MED12L: variants seen among roughly 807,000 people sequenced by gnomAD.
MED12L encodes mediator complex subunit 12L, also known as mediator of RNA polymerase II transcription subunit 12-like protein.
Under a neutral mutation model 281.3 loss-of-function variants are expected in MED12L, and 60 were observed. That is an observed-to-expected ratio of 0.21 (90% CI 0.17 to 0.26). MED12L has a LOEUF of 0.26. Ranked by LOEUF, MED12L falls within the 10% of genes least tolerant of loss-of-function variation. MED12L has a pLI of 1.00. For synonymous variants in MED12L, 974 were observed against 987.2 expected (o/e 0.99, Z 0.25); for missense variants, 2,146 against 2,680.9 (o/e 0.80, Z 4.41).
At position 151,138,980 on chromosome 3, in the gene MED12L, T is replaced by TAC. The variant is rs1560085310; in HGVS notation, c.556+10996_556+10997insAC. On this transcript the variant is annotated intron_variant, in intron 5 of 44. Coordinates refer to ENST00000687756, the MANE Select transcript of MED12L (RefSeq NM_001393769.1). ...TTCTGCATGGGTGATTTGTCTCTTATCTACCTACCTACCTACCTACCTGCC... is the reference window on the plus strand; with the variant it reads ...TTCTGCATGGGTGATTTGTCTCTTATACCTACCTACCTACCTACCTACCTGCC... Among the ~76,000 whole-genome samples, 1,015 of 142,994 alleles carry TAC rather than the reference T, an allele frequency of 7.1e-3. 55 individuals carry two copies. In the East Asian group the frequency reaches 0.15, roughly 21 times the overall value. 93.8% of individuals were successfully genotyped at this position (142,994 alleles called of 152,430 possible).
chr3:151,282,449 A>G (rs1340140040), intron 16 of MED12L, among the ~76,000 whole-genome samples: 1 of 152,056 alleles, frequency 6.6e-6, no homozygotes, highest in Non-Finnish European at 1.5e-5. Context: ...GGCTGCCGAA[A>G]GGATTCCACT....
intron 16 of MED12L, chr3:151,198,355 TTA>T: frequency 8.8e-7 from 1 of 1,139,334 alleles, no homozygotes; most frequent in East Asian, 2.5e-5. Context: ...TTTTTTTTTT[TTA>T]TCTTTCAAAG....
At chr3:151,337,866 C>A in intron 16 of MED12L, 3 of 1,613,150 alleles carry the variant, frequency 1.9e-6, no homozygotes, top group South Asian at 1.1e-5. Context: ...TTCTTTTTTC[C>A]TATTGTCCTG....
intron 9 of MED12L, among the ~76,000 whole-genome samples, chr3:151,164,367 T>C (rs1720411449): frequency 6.6e-6 from 1 of 152,176 alleles, no homozygotes; most frequent in Admixed American, 6.5e-5. Context: ...TATGTTCTTA[T>C]TGGTACTGGG....
Position 151,213,389 on chromosome 3 carries a change from A to G in MED12L, c.2250+19723A>G, listed in dbSNP as rs762688566. ...TTCTGAGCTTTTAATGGAATGTGCA[A>G]TTTCTTACATAAGATTTCCCTAAAC... On this transcript the variant is annotated intron_variant, in intron 16 of 44. Coordinates refer to ENST00000687756, the MANE Select transcript of MED12L (RefSeq NM_001393769.1). 16 of 1,613,922 alleles carry G rather than the reference A, an allele frequency of 9.9e-6. No homozygotes were observed. The highest frequency in any genetic ancestry group is 3.3e-5 in the South Asian group (3 of 91,070).
At chr3:151,229,659 A>G (rs1428926262) in intron 16 of MED12L, among the ~76,000 whole-genome samples, 1 of 151,510 alleles carries the variant, frequency 6.6e-6, no homozygotes, top group Admixed American at 6.6e-5. Flanking sequence ...TTGTATTTTT[A>G]GTAGAGATGG....
intron 16 of MED12L, among the ~76,000 whole-genome samples, chr3:151,287,134 A>G (rs9814936): frequency 0.11 from 16,888 of 152,240 alleles, 1,239 homozygotes; most frequent in Middle Eastern, 0.17. Flanking sequence ...TTAGAAAATA[A>G]TCAGTCAATG....
At chr3:151,294,178 A>G in intron 16 of MED12L, 1 of 1,563,138 alleles carries the variant, frequency 6.4e-7, no homozygotes, top group Non-Finnish European at 8.8e-7. Context: ...CCTACACATC[A>G]GTGTAATCAT....
In MED12L at chr3:151,210,101, C is replaced by T. The variant is rs980962360; in HGVS notation, c.2250+16435C>T. ...CTATGGTAGCCAGATGAAAGAAGTGCTTCTAGATCTTATATCTTCATGGCA... is the reference window on the plus strand; with the variant it reads ...CTATGGTAGCCAGATGAAAGAAGTGTTTCTAGATCTTATATCTTCATGGCA... On this transcript the variant is annotated intron_variant, in intron 16 of 44. Coordinates refer to ENST00000687756, the MANE Select transcript of MED12L (RefSeq NM_001393769.1). Among the ~76,000 whole-genome samples, 31 of 152,212 alleles carry T rather than the reference C, an allele frequency of 2.0e-4. 1 individual carries two copies. Among genetic ancestry groups the T allele is most frequent in the African/African-American group, 6.3e-4 (26 of 41,528 alleles).
intron 9 of MED12L, 79 bp from the exon 10 acceptor site, chr3:151,165,340 CA>C (rs1414692028): frequency 9.2e-7 from 1 of 1,085,490 alleles, no homozygotes; most frequent in Non-Finnish European, 1.4e-6. Flanking sequence ...ATACTTTACT[CA>C]CGTGGAAAAA....
chr3:151,157,911 T>C (rs1218079162), intron 6 of MED12L, among the ~76,000 whole-genome samples: 1 of 152,188 alleles, frequency 6.6e-6, no homozygotes, highest in East Asian at 1.9e-4. Flanking sequence ...TTTCTTTCAT[T>C]CTGTGAATCA....
chr3:151,253,812 T>TGAAA (rs1737287259), intron 16 of MED12L, among the ~76,000 whole-genome samples: 2 of 152,138 alleles, frequency 1.3e-5, no homozygotes, highest in African/African-American at 4.8e-5. Context: ...CTTGAAACAT[T>TGAAA]GTCCTTTTGC....
chr3:151,165,323 C>T (rs763440111), intron 9 of MED12L, 97 bp from the exon 10 acceptor site: 28 of 864,980 alleles, frequency 3.2e-5, no homozygotes, highest in Middle Eastern at 2.3e-4. Flanking sequence ...TTGTAGTTCA[C>T]TATAGGATAC....
chr3:151,309,125 ACACACACACACACACG>A (rs763695260), intron 16 of MED12L, among the ~76,000 whole-genome samples: 18 of 131,514 alleles, frequency 1.4e-4, no homozygotes, highest in Non-Finnish European at 2.4e-4. Context: ...ACACGCACAC[ACACACACACACACACG>A]CACACACACA....
chr3:151,117,951 T>C (rs1306199197), intron 3 of MED12L, among the ~76,000 whole-genome samples: 1 of 151,326 alleles, frequency 6.6e-6, no homozygotes, highest in Non-Finnish European at 1.5e-5. Flanking sequence ...ATTAGCTGGG[T>C]GTGGTGGTGG....
chr3:151,122,632 C>T (rs1437540015), intron 3 of MED12L, 151 bp from the exon 4 acceptor site: 4 of 552,160 alleles, frequency 7.2e-6, no homozygotes, highest in Admixed American at 7.3e-5. Context: ...GAAATCACAT[C>T]TCTTGGCTTC....
chr3:151,125,430 C>CTAAA (rs1489288751), intron 4 of MED12L, among the ~76,000 whole-genome samples: 2 of 152,198 alleles, frequency 1.3e-5, no homozygotes, highest in Admixed American at 6.5e-5. Context: ...GCTGTCTCAT[C>CTAAA]TAAACATTTC....
At chr3:151,154,275 C>G (rs920475193) in intron 5 of MED12L, among the ~76,000 whole-genome samples, 1 of 151,990 alleles carries the variant, frequency 6.6e-6, no homozygotes, top group Non-Finnish European at 1.5e-5. Context: ...GTTAAGAGGG[C>G]TTTATTTATG....
At chr3:151,094,133 A>G (rs1400587893) in intron 2 of MED12L, among the ~76,000 whole-genome samples, 2 of 152,250 alleles carry the variant, frequency 1.3e-5, no homozygotes, top group Non-Finnish European at 2.9e-5. Flanking sequence ...GTGTGAAGAC[A>G]GTGCTCCTCG....
Sources: allele counts gnomAD v4.1 joint callset (sites outside exome capture counted in the v4.1 genomes callset), GRCh38; gene constraint gnomAD v4.1.1; transcripts MANE v1.5; gene names NCBI Gene and HGNC (gene_info 2026-07-23, HGNC 2026-07-21).